The following FBXO15 variants were observed in gnomAD, a reference collection of about 807,000 sequenced individuals.
FBXO15 encodes the protein F-box only protein 15.
FBXO15 carries 30 observed loss-of-function variants against 49.5 expected under a neutral mutation model. That is an observed-to-expected ratio of 0.61 (90% CI 0.45 to 0.82). FBXO15 has a LOEUF of 0.82. FBXO15 is among the 40% of genes least tolerant of loss of function. The pLI, the probability that FBXO15 is intolerant of heterozygous loss-of-function variation, is 0.00. For missense variants in FBXO15, 591 were observed against 631.5 expected (o/e 0.94, Z 0.69); for synonymous variants, 250 against 232.7 (o/e 1.07, Z -0.68).
chr18:74,092,395 G>A (rs534980765), intron 8 of FBXO15, among the ~76,000 whole-genome samples: 252 of 152,222 alleles, frequency 1.7e-3, no homozygotes, highest in African/African-American at 5.6e-3. Context: ...TTTCAGCCTG[G>A]TTAAGAACCA....
intron 8 of FBXO15, among the ~76,000 whole-genome samples, chr18:74,113,548 C>A (rs1164507166): frequency 6.6e-6 from 1 of 152,138 alleles, no homozygotes; most frequent in Admixed American, 6.5e-5. Context: ...TATGGGAAAT[C>A]TCTGTACCTT....
chr18:74,086,218 C>T (rs1047680783), intron 8 of FBXO15, among the ~76,000 whole-genome samples: 7 of 151,690 alleles, frequency 4.6e-5, no homozygotes, highest in African/African-American at 1.5e-4. Context: ...TTTGGAATTA[C>T]AACAATAAAA....
chr18:74,084,711 G>C (rs17088767), intron 8 of FBXO15, among the ~76,000 whole-genome samples: 1 of 151,968 alleles, frequency 6.6e-6, no homozygotes, highest in Non-Finnish European at 1.5e-5. Context: ...CACCATCCTT[G>C]GTTTCCAGTG....
chr18:74,102,352 A>T (rs529037161), intron 8 of FBXO15, among the ~76,000 whole-genome samples: 1 of 152,310 alleles, frequency 6.6e-6, no homozygotes, highest in African/African-American at 2.4e-5. Flanking sequence ...ACACAAAAAA[A>T]ATGCTCAGCA....
At chr18:74,143,358 T>C (rs1865824268) in intron 1 of FBXO15, among the ~76,000 whole-genome samples, 1 of 152,162 alleles carries the variant, frequency 6.6e-6, no homozygotes, top group African/African-American at 2.4e-5. Flanking sequence ...ATCTAGCAAT[T>C]GGCAAATACC....
chr18:74,118,966 G>C (rs1053797761), intron 8 of FBXO15, among the ~76,000 whole-genome samples: 3 of 152,226 alleles, frequency 2.0e-5, no homozygotes, highest in Non-Finnish European at 4.4e-5. Flanking sequence ...TCAAGGCAGT[G>C]GTGGAAGACC....
At chr18:74,147,363 C>A (rs923990175) in intron 1 of FBXO15, among the ~76,000 whole-genome samples, 2 of 152,148 alleles carry the variant, frequency 1.3e-5, no homozygotes, top group African/African-American at 4.8e-5. Context: ...GAATTTAGGG[C>A]ACGCATCCCG....
At chr18:74,103,826 A>C (rs913702964) in intron 8 of FBXO15, among the ~76,000 whole-genome samples, 1 of 152,204 alleles carries the variant, frequency 6.6e-6, no homozygotes, top group African/African-American at 2.4e-5. Context: ...CACAAACAAA[A>C]GCTGAGGCAA....
intron 3 of FBXO15, among the ~76,000 whole-genome samples, chr18:74,135,222 G>A (rs994848269): frequency 2.6e-4 from 39 of 152,112 alleles, no homozygotes; most frequent in African/African-American, 8.5e-4. Context: ...TCATCCAAGC[G>A]TACAACCTCT....
At chr18:74,089,907 G>T (rs889997107) in intron 8 of FBXO15, among the ~76,000 whole-genome samples, 1 of 152,126 alleles carries the variant, frequency 6.6e-6, no homozygotes, top group Non-Finnish European at 1.5e-5. Flanking sequence ...CCAGGTTTTG[G>T]TATCAGGATG....
intron 8 of FBXO15, among the ~76,000 whole-genome samples, chr18:74,117,924 C>A (rs1475059347): frequency 6.6e-6 from 1 of 152,112 alleles, no homozygotes; most frequent in Non-Finnish European, 1.5e-5. Flanking sequence ...TAGCACCTAA[C>A]AGGTCCTAAC....
intron 8 of FBXO15, among the ~76,000 whole-genome samples, chr18:74,083,741 C>T (rs888801741): frequency 1.3e-5 from 2 of 152,150 alleles, no homozygotes; most frequent in South Asian, 2.1e-4. Flanking sequence ...GAGCTCTTTC[C>T]GCCAACCCTC....
At chr18:74,140,167 G>A (rs1454568041) in intron 2 of FBXO15, 35 bp downstream of exon 2, 1 of 1,513,434 alleles carries the variant, frequency 6.6e-7, no homozygotes, top group Admixed American at 2.0e-5. Flanking sequence ...ATGCCTAGAG[G>A]CCCCCAAAAG....
At chr18:74,098,393 C>A (rs1323939950) in intron 8 of FBXO15, 1 of 152,078 alleles carries the variant, frequency 6.6e-6, no homozygotes, top group African/African-American at 2.4e-5. Flanking sequence ...GGGGGGAAAT[C>A]TTCAGTGAAA....
chr18:74,073,497 G>A lies in FBXO15; in HGVS notation c.1497C>T (p.Ile499=), dbSNP rs772638453. ...TCCCAAACCAATGGTTGATTTTTGC[G>A]ATACTAAGATAAAGGACCAGGTTGA... ...LIVNLVLYLS[I]AKINHWFGTE... The change falls in exon 10 of 10, where the codon ATC becomes ATT. Residue 499 remains isoleucine (I), a synonymous_variant. Transcript: ENST00000419743. 1.9e-5 allele frequency: 31 copies of A among 1,613,620 alleles called. No homozygotes were observed. Among genetic ancestry groups the A allele is most frequent in the Non-Finnish European group, 2.4e-5 (28 of 1,179,892 alleles).
At chr18:74,105,548 TCCTG>T (rs1037941999) in intron 8 of FBXO15, among the ~76,000 whole-genome samples, 7 of 151,926 alleles carry the variant, frequency 4.6e-5, no homozygotes, top group Non-Finnish European at 8.8e-5. Context: ...CAAACGATTC[TCCTG>T]CCTCAGCCTC....
At chr18:74,136,531 C>G (rs781488693) in intron 2 of FBXO15, among the ~76,000 whole-genome samples, 2 of 152,090 alleles carry the variant, frequency 1.3e-5, no homozygotes, top group African/African-American at 2.4e-5. Context: ...ATTCCCACCT[C>G]GCCCACACCG....
intron 3 of FBXO15, among the ~76,000 whole-genome samples, chr18:74,132,120 T>C (rs1352392242): frequency 6.6e-6 from 1 of 152,212 alleles, no homozygotes; most frequent in Non-Finnish European, 1.5e-5. Context: ...GTGTTTGTGT[T>C]TTCAATTCAG....
At chr18:74,112,659 A>G (rs1373996164) in intron 8 of FBXO15, among the ~76,000 whole-genome samples, 1 of 152,220 alleles carries the variant, frequency 6.6e-6, no homozygotes, top group Non-Finnish European at 1.5e-5. Flanking sequence ...AGTCCTAGCT[A>G]ATGCAATAAG....
Sources: gnomAD v4.1 joint callset for allele counts (sites outside exome capture counted in the v4.1 genomes callset) on GRCh38, gnomAD v4.1.1 for gene constraint, MANE v1.5 for transcripts, NCBI Gene and HGNC (gene_info 2026-07-23, HGNC 2026-07-21) for gene names.